The following GGNBP2 variants were observed in gnomAD, a reference collection of about 807,000 sequenced individuals.
GGNBP2 encodes gametogenetin binding protein 2.
GGNBP2 carries 10 observed loss-of-function variants against 85.9 expected under a neutral mutation model. The ratio of observed to expected loss-of-function variants is 0.12; its 90% CI spans 0.07 to 0.20. The LOEUF is 0.20. Ranked by LOEUF, GGNBP2 falls within the 10% of genes least tolerant of loss-of-function variation. The pLI is 1.00. For missense variants in GGNBP2, 595 were observed against 857.8 expected (o/e 0.69, Z 3.83); for synonymous variants, 287 against 285.7 (o/e 1.00, Z -0.05).
intron 4 of GGNBP2, among the ~76,000 whole-genome samples, chr17:36,559,506 C>A (rs1451862130): frequency 1.3e-5 from 2 of 152,004 alleles, no homozygotes; most frequent in East Asian, 1.9e-4. Flanking sequence ...AAGAAGAGGT[C>A]TGAAAAGTAA....
chr17:36,581,597 A>T (rs994738481), intron 9 of GGNBP2, 59 bp downstream of exon 9: 1 of 1,315,282 alleles, frequency 7.6e-7, no homozygotes, highest in South Asian at 1.4e-5. Context: ...ATAGAAGTAC[A>T]GGCCAGGTGT....
At chr17:36,578,338 G>A in intron 7 of GGNBP2, 152 bp downstream of exon 7, 2 of 583,048 alleles carry the variant, frequency 3.4e-6, no homozygotes, top group Non-Finnish European at 5.8e-6. Flanking sequence ...TTTAAAGTAT[G>A]CATTTCTTAA....
chr17:36,559,361 CTG>C (rs573064032), intron 4 of GGNBP2, among the ~76,000 whole-genome samples: 17 of 145,816 alleles, frequency 1.2e-4, no homozygotes, highest in African/African-American at 3.6e-4. Context: ...AGGGACGAGA[CTG>C]AGGAGAAATG....
chr17:36,567,950 G>A (rs532430861), intron 6 of GGNBP2, among the ~76,000 whole-genome samples, 174 bp downstream of exon 6: 1 of 150,138 alleles, frequency 6.7e-6, no homozygotes, highest in East Asian at 1.9e-4. Context: ...TTTTTGAGAT[G>A]GAGTCTAGCT....
chr17:36,548,700 T>C (rs1375335561), intron 2 of GGNBP2, among the ~76,000 whole-genome samples: 2 of 146,760 alleles, frequency 1.4e-5, no homozygotes, highest in East Asian at 4.1e-4. Context: ...TCCTAGCACT[T>C]TGGGAGGCCG....
At chr17:36,558,813 G>A (rs894411723) in intron 4 of GGNBP2, among the ~76,000 whole-genome samples, 7 of 151,814 alleles carry the variant, frequency 4.6e-5, no homozygotes, top group Non-Finnish European at 1.5e-5. Flanking sequence ...GTTTTGAGCA[G>A]AAGAGTGGCA....
chr17:36,584,093 G>A (rs893588033), intron 9 of GGNBP2, among the ~76,000 whole-genome samples: 9 of 152,218 alleles, frequency 5.9e-5, no homozygotes, highest in Non-Finnish European at 8.8e-5. Flanking sequence ...TTGTTTCAAT[G>A]TTTGAGTTTT....
rs867200249 is a variant in GGNBP2 at position 36,575,634 on chromosome 17, A to T, written c.642-2349A>T. On this transcript the variant is annotated intron_variant, in intron 6 of 13. Transcript: ENST00000613102. ...GTAACATATATATATATATATATAT[A>T]TATATATATATATATTTTTTTTTTT... 6.5e-5 allele frequency among the ~76,000 whole-genome samples: 3 copies of T among 46,120 alleles called. No individual in the cohort carries two copies. In the East Asian group the frequency reaches 2.2e-3, roughly 34 times the overall value. 30.3% of individuals were successfully genotyped at this position (46,120 alleles called of 152,430 possible). A position where few individuals can be genotyped will look rare whatever the true frequency, so the allele number is the denominator to read the frequency against.
rs771729811 is a variant in GGNBP2, at chr17:36,587,088, A to G, written c.1733A>G (p.Lys578Arg). 4 of 1,614,112 alleles carry G rather than the reference A, an allele frequency of 2.5e-6. No homozygotes were observed. Among genetic ancestry groups the G allele is most frequent in the East Asian group, 2.2e-5 (1 of 44,886 alleles). Residue 578 changes from lysine (K) to arginine (R), a missense_variant, in exon 13 of 14, where the codon AAA becomes AGA. Physicochemically the swap from Lys to Arg is conservative, Grantham distance 26. This residue lies in a region of GGNBP2 where 120 missense variants were observed against 126.3 expected (regional missense o/e 0.95). Transcript: ENST00000613102. Reference sequence around the variant, plus strand: ...ACAGTGTTTCACCGTGACAAGACCAAAGATACACATCCTGAAAGCTGTTGC... The same window carrying G: ...ACAGTGTTTCACCGTGACAAGACCAGAGATACACATCCTGAAAGCTGTTGC... ...MHTVFHRDKT[K>R]DTHPESCCSS...
chr17:36,557,438 ATAAT>A, intron 4 of GGNBP2, 102 bp downstream of exon 4: 1 of 1,007,314 alleles, frequency 9.9e-7, no homozygotes, highest in Non-Finnish European at 1.5e-6. Flanking sequence ...GTCTGATTTA[ATAAT>A]TTTATTGAGT....
intron 9 of GGNBP2, among the ~76,000 whole-genome samples, chr17:36,584,700 G>T (rs927763246): frequency 1.3e-5 from 2 of 152,204 alleles, no homozygotes; most frequent in African/African-American, 4.8e-5. Flanking sequence ...TGTAATCCTA[G>T]CACTTTGGGA....
At chr17:36,560,917 T>C (rs2074410616) in intron 5 of GGNBP2, 46 bp downstream of exon 5, 3 of 993,448 alleles carry the variant, frequency 3.0e-6, no homozygotes, top group Non-Finnish European at 3.1e-6. Flanking sequence ...GTTAAGATTA[T>C]ATATTTGATC....
chr17:36,545,967 C>T, intron 2 of GGNBP2, 150 bp downstream of exon 2: 1 of 590,826 alleles, frequency 1.7e-6, no homozygotes, highest in Non-Finnish European at 3.0e-6. Context: ...CACAAACTCG[C>T]CTTTGCAGTG....
chr17:36,588,824 A>G (rs2074729871), intron 13 of GGNBP2, among the ~76,000 whole-genome samples: 1 of 152,198 alleles, frequency 6.6e-6, no homozygotes, highest in Non-Finnish European at 1.5e-5. Context: ...GAAAATGGTT[A>G]TCTTTTACTT....
At chr17:36,580,514 T>C (rs1311048823) in intron 8 of GGNBP2, among the ~76,000 whole-genome samples, 1 of 151,178 alleles carries the variant, frequency 6.6e-6, no homozygotes, top group Non-Finnish European at 1.5e-5. Context: ...GCCCAGCCCT[T>C]ACTCGTTTTC....
At chr17:36,582,457 A>G (rs1487568854) in intron 9 of GGNBP2, 1 of 152,218 alleles carries the variant, frequency 6.6e-6, no homozygotes, top group Admixed American at 6.5e-5. Flanking sequence ...AAAAGTCTGT[A>G]CATGTTCAGT....
At chr17:36,573,015 C>G (rs1340965817) in intron 6 of GGNBP2, among the ~76,000 whole-genome samples, 1 of 152,152 alleles carries the variant, frequency 6.6e-6, no homozygotes, top group Non-Finnish European at 1.5e-5. Context: ...TATGTTGTAG[C>G]ATATGACAGG....
chr17:36,567,815 C>T (rs369386995), intron 6 of GGNBP2, 39 bp downstream of exon 6: 11 of 1,065,286 alleles, frequency 1.0e-5, no homozygotes, highest in East Asian at 4.8e-5. Flanking sequence ...GTGGAAGGTG[C>T]CTTATGTGTC....
At chr17:36,553,021 CAAAA>C (rs56946600) in intron 2 of GGNBP2, among the ~76,000 whole-genome samples, 1 of 76,224 alleles carries the variant, frequency 1.3e-5, no homozygotes, top group Non-Finnish European at 2.4e-5. Context: ...GACTCTGTCT[CAAAA>C]AAAAAAAAAA....
Sources: allele counts gnomAD v4.1 joint callset (sites outside exome capture counted in the v4.1 genomes callset), GRCh38; gene constraint gnomAD v4.1.1; regional missense constraint gnomAD v4.1.1; transcripts MANE v1.5; gene names NCBI Gene and HGNC (gene_info 2026-07-23, HGNC 2026-07-21).